The following CASK variants were observed in gnomAD, a reference collection of about 807,000 sequenced individuals.
CASK encodes peripheral plasma membrane protein CASK.
Under a neutral mutation model 82.9 loss-of-function variants are expected in CASK, and 4 were observed. The observed-to-expected ratio is 0.05, with a 90% CI of 0.02 to 0.11. CASK has a LOEUF of 0.11. CASK is among the 10% of genes least tolerant of loss of function. The probability of loss-of-function intolerance (pLI) is 1.00; values close to 1 mark genes in which losing one functional copy is unlikely to be tolerated. For synonymous variants in CASK, 259 were observed against 253.5 expected (o/e 1.02, Z -0.20); for missense variants, 358 against 720.9 (o/e 0.50, Z 5.76).
intron 3 of CASK, among the ~76,000 whole-genome samples, chrX:41,760,462 T>G (rs2068980620): frequency 8.9e-6 from 1 of 112,006 alleles, no homozygotes; most frequent in South Asian, 3.8e-4. Context: ...AGGCTGCTAT[T>G]GCCTTAACTT....
chrX:41,837,839 T>A (rs2070956878), intron 2 of CASK, among the ~76,000 whole-genome samples: 1 of 112,023 alleles, frequency 8.9e-6, no homozygotes, highest in Non-Finnish European at 1.9e-5. Context: ...AGTTTTCATT[T>A]CCTTAGGATG....
At chrX:41,736,448 C>A (rs2068499495) in intron 5 of CASK, among the ~76,000 whole-genome samples, 1 of 111,617 alleles carries the variant, frequency 9.0e-6, no homozygotes, top group Non-Finnish European at 1.9e-5. Context: ...TGCAGTGAGC[C>A]GAGATTGCGC....
intron 7 of CASK, among the ~76,000 whole-genome samples, chrX:41,664,936 A>G (rs1193405858): frequency 1.8e-5 from 2 of 113,315 alleles, no homozygotes; most frequent in East Asian, 5.5e-4. Flanking sequence ...AAATTAAGAT[A>G]AAGAATGACT....
At chrX:41,765,283 G>A (rs1208889110) in intron 3 of CASK, among the ~76,000 whole-genome samples, 1 of 111,933 alleles carries the variant, frequency 8.9e-6, no homozygotes, top group African/African-American at 3.2e-5. Flanking sequence ...TTTTAATGAA[G>A]TAAGACATAT....
intron 5 of CASK, among the ~76,000 whole-genome samples, chrX:41,714,013 G>GAGGC (rs1461898628): frequency 8.9e-6 from 1 of 111,806 alleles, no homozygotes; most frequent in Non-Finnish European, 1.9e-5. Context: ...GAGCAGTGTT[G>GAGGC]AGGCAGGTTA....
rs2071478035 is a variant in CASK, at chrX:41,861,635, A to T, written c.60-8408T>A. 8.4e-5 allele frequency among the ~76,000 whole-genome samples: 9 copies of T among 106,781 alleles called. 1 individual carries two copies. Among genetic ancestry groups the T allele is most frequent in the Admixed American group, 8.4e-4 (8 of 9,516 alleles). The allele number at this position is 106,781 out of a possible 115,157, so 92.7% of individuals were successfully genotyped here. A position where few individuals can be genotyped will look rare whatever the true frequency, so the allele number is the denominator to read the frequency against. On this transcript the variant is annotated intron_variant, in intron 1 of 26. Coordinates refer to ENST00000378163, the MANE Select transcript of CASK (RefSeq NM_001367721.1). The stretch of plus-strand genomic sequence containing the variant: ...ATAAGACAAAGAATATAAAGAATAA[A>T]CAAGAAAAAGATTAATAAAGCAATT...
intron 8 of CASK, among the ~76,000 whole-genome samples, chrX:41,655,245 A>G (rs2066919183): frequency 9.0e-6 from 1 of 111,199 alleles, no homozygotes; most frequent in Admixed American, 9.6e-5. Flanking sequence ...GAGCTCACAC[A>G]GTGTGGAGTT....
At chrX:41,717,262 G>A (rs1004034099) in intron 5 of CASK, among the ~76,000 whole-genome samples, 2 of 112,374 alleles carry the variant, frequency 1.8e-5, no homozygotes, top group African/African-American at 6.5e-5. Context: ...CGAGACGCAC[G>A]CTTCTATGGA....
chrX:41,773,769 A>T, intron 3 of CASK, among the ~76,000 whole-genome samples: 1 of 111,426 alleles, frequency 9.0e-6, no homozygotes, highest in East Asian at 2.8e-4. Flanking sequence ...TAGAAAGGGT[A>T]CAATCAAAAT....
chrX:41,672,470 A>C (rs951599421), intron 5 of CASK, among the ~76,000 whole-genome samples: 1 of 111,755 alleles, frequency 8.9e-6, no homozygotes, highest in Non-Finnish European at 1.9e-5. Context: ...TAGTAAAAAA[A>C]GCAAGTCTCT....
chrX:41,695,578 T>C, intron 5 of CASK: 1 of 814,968 alleles, frequency 1.2e-6, no homozygotes, highest in African/African-American at 2.0e-5. Flanking sequence ...ACATAAGAAC[T>C]ACACATGAGG....
chrX:41,646,498 A>G (rs1338269163), intron 8 of CASK, among the ~76,000 whole-genome samples: 1 of 111,095 alleles, frequency 9.0e-6, no homozygotes, highest in Non-Finnish European at 1.9e-5. Context: ...TAGGAAGATA[A>G]AGGCATTACC....
intron 15 of CASK, among the ~76,000 whole-genome samples, chrX:41,572,432 G>A (rs764117759): frequency 9.0e-6 from 1 of 110,804 alleles, no homozygotes; most frequent in African/African-American, 3.3e-5. Flanking sequence ...TTTCTCTCCT[G>A]TGTTTTCTCT....
intron 5 of CASK, chrX:41,696,077 C>T: frequency 8.3e-7 from 1 of 1,201,552 alleles, no homozygotes; most frequent in Non-Finnish European, 1.1e-6. Flanking sequence ...TTGGATTCAT[C>T]AGTTTGGATC....
At chrX:41,619,439 C>T (rs2066254217) in intron 11 of CASK, among the ~76,000 whole-genome samples, 1 of 110,893 alleles carries the variant, frequency 9.0e-6, no homozygotes, top group South Asian at 3.8e-4. Flanking sequence ...CTGGCCTGCA[C>T]ATTTTAACTT....
chrX:41,772,345 CAAAAAAA>C (rs761427437), intron 3 of CASK, among the ~76,000 whole-genome samples: 5 of 26,354 alleles, frequency 1.9e-4, no homozygotes, highest in Admixed American at 7.4e-4. Context: ...GACTCTGTCT[CAAAAAAA>C]AAAAAAAAAA....
intron 5 of CASK, among the ~76,000 whole-genome samples, chrX:41,686,823 G>A (rs975307614): frequency 2.8e-4 from 31 of 111,900 alleles, no homozygotes; most frequent in African/African-American, 9.7e-4. Context: ...GTAATAGATG[G>A]CACCAAACAA....
At chrX:41,569,998 C>CTTTTCTT (rs947485543) in intron 15 of CASK, among the ~76,000 whole-genome samples, 2 of 88,818 alleles carry the variant, frequency 2.3e-5, no homozygotes, top group Non-Finnish European at 2.2e-5. Flanking sequence ...ATTTTCTTTT[C>CTTTTCTT]TTTTCTTTTT....
intron 11 of CASK, among the ~76,000 whole-genome samples, chrX:41,612,292 G>C (rs1263147625): frequency 1.8e-5 from 2 of 108,726 alleles, no homozygotes; most frequent in African/African-American, 3.3e-5. Context: ...CTGAGATGTG[G>C]GGAGCGCCTC....
Sources: gnomAD v4.1 joint callset for allele counts (sites outside exome capture counted in the v4.1 genomes callset) on GRCh38, gnomAD v4.1.1 for gene constraint, MANE v1.5 for transcripts, NCBI Gene and HGNC (gene_info 2026-07-23, HGNC 2026-07-21) for gene names.